KIAA0825: variants seen among roughly 807,000 people sequenced by gnomAD.
The protein encoded by KIAA0825 is KIAA0825, also known as uncharacterized protein KIAA0825.
KIAA0825 carries 119 observed loss-of-function variants against 147.6 expected under a neutral mutation model. The observed-to-expected ratio is 0.81, with a 90% CI of 0.69 to 0.94. KIAA0825 has a LOEUF of 0.94. Ranked by LOEUF, KIAA0825 falls within the 40% of genes least tolerant of loss-of-function variation. The pLI is 0.00. For synonymous variants in KIAA0825, 470 were observed against 518.1 expected (o/e 0.91, Z 1.26); for missense variants, 1,381 against 1,472.7 (o/e 0.94, Z 1.02).
intron 8 of KIAA0825, 26 bp downstream of exon 8, chr5:94,473,266 A>T: frequency 2.7e-6 from 4 of 1,506,664 alleles, no homozygotes; most frequent in Non-Finnish European, 3.6e-6. Flanking sequence ...GCCAGTCAGC[A>T]GTTTGAAAGG....
chr5:94,597,772 C>T (rs1785573624), intron 1 of KIAA0825, among the ~76,000 whole-genome samples: 1 of 152,136 alleles, frequency 6.6e-6, no homozygotes, highest in Non-Finnish European at 1.5e-5. Flanking sequence ...AATGGTATTG[C>T]TTACAGCTCC....
chr5:94,327,527 T>C (rs1177957778), intron 20 of KIAA0825, among the ~76,000 whole-genome samples: 1 of 152,136 alleles, frequency 6.6e-6, no homozygotes, highest in Non-Finnish European at 1.5e-5. Context: ...GAAAATTACA[T>C]GTGCTATACA....
chr5:94,322,686 A>G (rs1417473601), intron 20 of KIAA0825, among the ~76,000 whole-genome samples: 3 of 151,932 alleles, frequency 2.0e-5, no homozygotes, highest in Non-Finnish European at 4.4e-5. Context: ...ATGGGACTCA[A>G]AAACAACCTA....
At chr5:94,529,168 A>G (rs1250321645) in intron 3 of KIAA0825, among the ~76,000 whole-genome samples, 1 of 148,930 alleles carries the variant, frequency 6.7e-6, no homozygotes, top group Non-Finnish European at 1.5e-5. Context: ...GCATACAGCA[A>G]ATACTCTCAT....
intron 20 of KIAA0825, among the ~76,000 whole-genome samples, chr5:94,378,235 C>T (rs932261322): frequency 1.3e-5 from 2 of 152,118 alleles, no homozygotes; most frequent in African/African-American, 4.8e-5. Flanking sequence ...TGACAGGTAG[C>T]TTTTTGATCT....
At chr5:94,518,748 A>T (rs113101942) in intron 5 of KIAA0825, among the ~76,000 whole-genome samples, 287 of 152,228 alleles carry the variant, frequency 1.9e-3, no homozygotes, top group African/African-American at 6.4e-3. Flanking sequence ...ATGCACCTAC[A>T]CTTGTGGAAA....
intron 1 of KIAA0825, among the ~76,000 whole-genome samples, chr5:94,584,216 G>A (rs1281389385): frequency 3.9e-5 from 6 of 152,200 alleles, no homozygotes; most frequent in African/African-American, 1.4e-4. Context: ...GTAGGCTTCA[G>A]AAGGTTGGTA....
At chr5:94,180,075 G>C (rs1769466999) in intron 20 of KIAA0825, among the ~76,000 whole-genome samples, 1 of 151,996 alleles carries the variant, frequency 6.6e-6, no homozygotes, top group Non-Finnish European at 1.5e-5. Context: ...AAAGTACTTA[G>C]TAATTATAAA....
intron 14 of KIAA0825, among the ~76,000 whole-genome samples, chr5:94,427,049 C>G (rs1754979680): frequency 6.6e-6 from 1 of 151,912 alleles, no homozygotes; most frequent in African/African-American, 2.4e-5. Flanking sequence ...TTTATCTTGT[C>G]TTGTATATAA....
At chr5:94,229,498 T>A (rs1774496529) in intron 20 of KIAA0825, among the ~76,000 whole-genome samples, 2 of 146,874 alleles carry the variant, frequency 1.4e-5, no homozygotes, top group African/African-American at 5.1e-5. Flanking sequence ...CTGGTCCATA[T>A]TGAATTTTTT....
intron 14 of KIAA0825, among the ~76,000 whole-genome samples, chr5:94,430,479 C>G (rs1362750): frequency 0.46 from 69,989 of 152,028 alleles, 16,322 homozygotes; most frequent in Middle Eastern, 0.52. Context: ...AATAATGGCT[C>G]TTCTAGCAAG....
chr5:94,277,838 C>A (rs1304338482), intron 20 of KIAA0825, among the ~76,000 whole-genome samples: 1 of 152,076 alleles, frequency 6.6e-6, no homozygotes, highest in Non-Finnish European at 1.5e-5. Context: ...AGCACTATTA[C>A]AATAGCAAAG....
rs143398570 is a variant in KIAA0825 at position 94,237,023 on chromosome 5, A to G, written c.3711-82899T>C. Among the ~76,000 whole-genome samples the G allele has an allele frequency of 1.6e-3, 245 of 150,912 alleles. 1 individual carries two copies. Among genetic ancestry groups the G allele is most frequent in the African/African-American group, 5.4e-3 (222 of 40,938 alleles). ...GGGACCAAACTGACAATATCTCTGA[A>G]GTATGCCTAAATAGGCTATATGTGT... On this transcript the variant is annotated intron_variant, in intron 20 of 20. Transcript: ENST00000682413.
chr5:94,561,287 T>C (rs543059005), intron 2 of KIAA0825, among the ~76,000 whole-genome samples: 15 of 152,346 alleles, frequency 9.8e-5, no homozygotes, highest in African/African-American at 3.6e-4. Flanking sequence ...GCCATAAACC[T>C]CTTCCTTACT....
At position 94,471,716 on chromosome 5, in the gene KIAA0825, T is replaced by C. The variant is rs1761230477; in HGVS notation, c.1471A>G (p.Met491Val). The change falls in exon 9 of 21, where the codon ATG (methionine) becomes GTG (valine). Residue 491 changes from methionine (M) to valine (V), a missense_variant. Transcript: ENST00000682413. ...KKIGKFCSDIMEKLDTMLPLA... is the reference protein window; with the variant it reads ...KKIGKFCSDIVEKLDTMLPLA... ...GGAAGCATTGTGTCAAGTTTTTCCA[T>C]GATGTCAGAACAAAACTAGGGAGAA... 3 of 1,552,236 alleles carry C rather than the reference T, an allele frequency of 1.9e-6. No individual in the cohort carries two copies. Among genetic ancestry groups the C allele is most frequent in the Admixed American group, 2.0e-5 (1 of 50,998 alleles).
At chr5:94,286,547 C>T (rs1777670015) in intron 20 of KIAA0825, among the ~76,000 whole-genome samples, 1 of 151,868 alleles carries the variant, frequency 6.6e-6, no homozygotes, top group Non-Finnish European at 1.5e-5. Context: ...CAGAAGGTTT[C>T]TTTCTTTTTT....
intron 15 of KIAA0825, among the ~76,000 whole-genome samples, chr5:94,408,335 T>C (rs1431466045): frequency 6.6e-6 from 1 of 151,672 alleles, no homozygotes; most frequent in East Asian, 1.9e-4. Flanking sequence ...TTAAATTTTA[T>C]TTTATTTTAT....
chr5:94,475,620 C>A (rs1761791091), intron 7 of KIAA0825, among the ~76,000 whole-genome samples: 1 of 151,926 alleles, frequency 6.6e-6, no homozygotes, highest in African/African-American at 2.4e-5. Context: ...CCAGCCTGGC[C>A]AACATGATGA....
In KIAA0825 at chr5:94,420,532, T is replaced by G. The variant is rs1400288797; in HGVS notation, c.2498-3167A>C. Among the ~76,000 whole-genome samples, 5 of 152,156 alleles carry G rather than the reference T, an allele frequency of 3.3e-5. No individual in the cohort carries two copies. In the East Asian group the frequency reaches 9.7e-4, roughly 29 times the overall value. Reference sequence around the variant, plus strand: ...TAATGCAAAACTCTTTAATTTCATATAGCATTCTACATTTTCACATATATT... The same window carrying G: ...TAATGCAAAACTCTTTAATTTCATAGAGCATTCTACATTTTCACATATATT... On this transcript the variant is annotated intron_variant, in intron 14 of 20. Transcript: ENST00000682413.
Sources: gnomAD v4.1 joint callset for allele counts (sites outside exome capture counted in the v4.1 genomes callset) on GRCh38, gnomAD v4.1.1 for gene constraint, MANE v1.5 for transcripts, NCBI Gene and HGNC (gene_info 2026-07-23, HGNC 2026-07-21) for gene names.